The following CELA3B variants were observed in gnomAD, a reference collection of about 807,000 sequenced individuals.
The protein encoded by CELA3B is chymotrypsin-like elastase family member 3B.
A neutral mutation model predicts 37.2 loss-of-function variants in CELA3B; 34 were observed. The observed-to-expected ratio is 0.91, with a 90% confidence interval of 0.70 to 1.22. The LOEUF (loss-of-function observed/expected upper bound fraction) is 1.22, where lower values mean the gene tolerates loss of function less well. Ranked by LOEUF, CELA3B falls within the 50% of genes most tolerant of loss-of-function variation. The pLI is 0.00. For synonymous variants in CELA3B, 127 were observed against 143.5 expected, an observed-to-expected ratio of 0.89 and a Z score of 0.82; for missense variants, 340 against 363.1, an observed-to-expected ratio of 0.94 and a Z score of 0.52.
chr1:21,983,572 G>C (rs1004922115), intron 4 of CELA3B, 122 bp from the exon 5 acceptor site: 13 of 1,409,762 alleles, frequency 9.2e-6, no homozygotes, highest in Non-Finnish European at 1.2e-5. Flanking sequence ...TGATGAAAGA[G>C]TGGATTTGGA....
chr1:21,981,347 A>T (rs1343312291), intron 4 of CELA3B, among the ~76,000 whole-genome samples, 175 bp downstream of exon 4: 2 of 139,784 alleles, frequency 1.4e-5, no homozygotes, highest in African/African-American at 5.3e-5. Context: ...AGAGCCTTTA[A>T]GGACCATCAC....
downstream of CELA3B, among the ~76,000 whole-genome samples, chr1:21,991,952 T>C (rs1248768976): frequency 1.3e-5 from 2 of 149,218 alleles, no homozygotes; most frequent in African/African-American, 4.9e-5. Flanking sequence ...AAGCCCCGTC[T>C]CTACTAAAAA....
chr1:21,998,114 T>A (rs1557870275), intron 4 of CELA3B: 1 of 469,648 alleles, frequency 2.1e-6, no homozygotes, highest in Admixed American at 2.4e-5. Flanking sequence ...ATTTTAAAGT[T>A]CCAACAGCTT....
At chr1:21,985,309 G>C (rs906032511) in intron 6 of CELA3B, among the ~76,000 whole-genome samples, 2 of 140,122 alleles carry the variant, frequency 1.4e-5, no homozygotes, top group African/African-American at 2.6e-5. Flanking sequence ...ACAGGATCTT[G>C]CTCTGTTGCC....
chr1:21,989,078 G>GA (rs1429012453), intron 7 of CELA3B, among the ~76,000 whole-genome samples, 184 bp from the exon 8 acceptor site: 3 of 151,814 alleles, frequency 2.0e-5, no homozygotes, highest in African/African-American at 7.3e-5. Flanking sequence ...ATTTAATCAA[G>GA]AACCCCCCCA....
chr1:21,978,786 C>A (rs1177522610), intron 2 of CELA3B, among the ~76,000 whole-genome samples: 1 of 152,070 alleles, frequency 6.6e-6, no homozygotes, highest in Non-Finnish European at 1.5e-5. Context: ...GATGATACAA[C>A]AGGGCTATGG....
At position 21,997,179 on chromosome 1, in the gene CELA3B, G is replaced by C. The variant is rs12075708; in HGVS notation, c.505-972G>C. On this transcript the variant is annotated intron_variant, in intron 4 of 4. Transcript: ENST00000400277. Reference sequence around the variant, plus strand: ...GTTTGAGACCAGGCTGGCCAACCTGGTGAGACCCCATCTCTACTAAAAATA... The same window carrying C: ...GTTTGAGACCAGGCTGGCCAACCTGCTGAGACCCCATCTCTACTAAAAATA... Among the ~76,000 whole-genome samples the C allele has an allele frequency of 9.6e-3, 1,428 of 149,158 alleles. 63 individuals carry two copies. The highest frequency in any genetic ancestry group is 0.033 in the African/African-American group (1,317 of 39,958).
chr1:21,985,896 A>G (rs1413272779), intron 6 of CELA3B, among the ~76,000 whole-genome samples: 3 of 112,790 alleles, frequency 2.7e-5, no homozygotes, highest in Admixed American at 1.0e-4. Flanking sequence ...GACTCAGAAA[A>G]AAAAAGAATA....
intron 4 of CELA3B, among the ~76,000 whole-genome samples, chr1:21,982,985 G>T (rs572176134): frequency 3.3e-5 from 5 of 152,306 alleles, no homozygotes; most frequent in African/African-American, 1.2e-4. Flanking sequence ...AGGGTTAAAG[G>T]GTCAAAGGAG....
downstream of CELA3B, among the ~76,000 whole-genome samples, chr1:21,993,220 G>C (rs1644876136): frequency 6.6e-6 from 1 of 151,244 alleles, no homozygotes; most frequent in Non-Finnish European, 1.5e-5. Context: ...CGGCACTTTG[G>C]GAGGCTGAGG....
intron 6 of CELA3B, among the ~76,000 whole-genome samples, chr1:21,986,176 C>T (rs1644837525): frequency 6.6e-6 from 1 of 151,304 alleles, no homozygotes. Context: ...TGAGACTAAC[C>T]TGGCCAACAT....
chr1:21,983,672 G>T (rs750337491), intron 4 of CELA3B, 22 bp from the exon 5 acceptor site: 2 of 1,610,998 alleles, frequency 1.2e-6, no homozygotes, highest in Non-Finnish European at 1.7e-6. Flanking sequence ...ACCAGGCCCC[G>T]TGACTGTTCC....
At chr1:21,977,422 C>T (rs1049961335) in intron 1 of CELA3B, among the ~76,000 whole-genome samples, 1 of 152,180 alleles carries the variant, frequency 6.6e-6, no homozygotes, top group Admixed American at 6.6e-5. Context: ...TCCTCTCACA[C>T]TCCCCCTACC....
At chr1:21,996,961 A>G (rs1309206633) in intron 4 of CELA3B, among the ~76,000 whole-genome samples, 4 of 151,398 alleles carry the variant, frequency 2.6e-5, no homozygotes, top group Non-Finnish European at 4.4e-5. Flanking sequence ...GTAGTCATCA[A>G]AGAGATCAGA....
At chr1:21,979,642 T>TG (rs1428652728) in intron 2 of CELA3B, among the ~76,000 whole-genome samples, 2 of 151,156 alleles carry the variant, frequency 1.3e-5, no homozygotes, top group African/African-American at 4.9e-5. Flanking sequence ...GTTGTAGAGA[T>TG]GGGGTCTCAC....
At chr1:21,988,903 A>AC (rs1644855973) in intron 7 of CELA3B, among the ~76,000 whole-genome samples, 2 of 103,344 alleles carry the variant, frequency 1.9e-5, no homozygotes, top group South Asian at 3.6e-4. Context: ...AAGAAAAAAA[A>AC]CTCCAAAAAT....
chr1:21,982,662 G>A (rs1324716350), intron 4 of CELA3B, among the ~76,000 whole-genome samples: 2 of 152,030 alleles, frequency 1.3e-5, no homozygotes, highest in African/African-American at 4.8e-5. Context: ...GTGGGATGCA[G>A]CAGTCTGTTT....
intron 4 of CELA3B, 53 bp from the exon 5 acceptor site, chr1:21,983,641 A>G: frequency 6.3e-7 from 1 of 1,598,168 alleles, no homozygotes; most frequent in South Asian, 1.1e-5. Context: ...GCTGGAAGGT[A>G]GGACTTGGGC....
chr1:21,992,801 T>C (rs2152817839), downstream of CELA3B, among the ~76,000 whole-genome samples: 1 of 150,944 alleles, frequency 6.6e-6, no homozygotes, highest in African/African-American at 2.5e-5. Context: ...TTGGGCAACA[T>C]GGCAAAACCC....
Sources: allele counts gnomAD v4.1 joint callset (sites outside exome capture counted in the v4.1 genomes callset), GRCh38; gene constraint gnomAD v4.1.1; transcripts MANE v1.5; gene names NCBI Gene and HGNC (gene_info 2026-07-23, HGNC 2026-07-21).